The following LILRA1 variants were observed in gnomAD, a reference collection of about 807,000 sequenced individuals.
LILRA1 encodes leukocyte immunoglobulin like receptor A1.
A neutral mutation model predicts 51.6 loss-of-function variants in LILRA1; 51 were observed. That is an observed-to-expected ratio of 0.99 (90% CI 0.79 to 1.25). The LOEUF is 1.25. Ranked by LOEUF, LILRA1 falls within the 50% of genes most tolerant of loss-of-function variation. The pLI is 0.00. For missense variants in LILRA1, 660 were observed against 611.7 expected, an observed-to-expected ratio of 1.08 and a Z score of -0.83; for synonymous variants, 305 against 248.4, an observed-to-expected ratio of 1.23 and a Z score of -2.14.
In LILRA1 at chr19:54,596,317, G is replaced by C; in HGVS notation, c.1087G>C (p.Ala363Pro). 1.2e-6 allele frequency: 2 copies of C among 1,614,144 alleles called. No homozygotes were observed. The highest frequency in any genetic ancestry group is 1.7e-6 in the Non-Finnish European group (2 of 1,180,016). ...TTTCCTTCTGACCAAGGCGGGAGCA[G>C]CTGATGCCCCCCTCCGTCTCAGATC... ...HTFLLTKAGA[A>P]DAPLRLRSIH... The change falls in exon 7 of 10, where the codon GCT becomes CCT. Residue 363 changes from alanine (A) to proline (P), a missense_variant. Coordinates refer to ENST00000251372, the MANE Select transcript of LILRA1 (RefSeq NM_006863.4).
intron 7 of LILRA1, among the ~76,000 whole-genome samples, chr19:54,596,815 T>G (rs1305623077): frequency 6.6e-6 from 1 of 151,456 alleles, no homozygotes; most frequent in Non-Finnish European, 1.5e-5. Flanking sequence ...TGCCGTGAGC[T>G]GATGTCATGC....
chr19:54,597,292 G>C (rs1300516419), intron 7 of LILRA1, among the ~76,000 whole-genome samples: 1 of 152,192 alleles, frequency 6.6e-6, no homozygotes, highest in African/African-American at 2.4e-5. Flanking sequence ...TGGCTTCCTG[G>C]TGCTCCAGGG....
At position 54,595,860 on chromosome 19, in the gene LILRA1, T is replaced by C; in HGVS notation, c.883T>C (p.Tyr295His). 2 of 1,614,120 alleles carry C rather than the reference T, an allele frequency of 1.2e-6. No individual in the cohort carries two copies. The highest frequency in any genetic ancestry group is 2.2e-5 in the South Asian group (2 of 91,084). ...TGTGAGCCGCTCCTACGGGGGCCAGTACAGATGCTCCGGTGCATACAACCT... is the reference window on the plus strand; with the variant it reads ...TGTGAGCCGCTCCTACGGGGGCCAGCACAGATGCTCCGGTGCATACAACCT... ...GPVSRSYGGQ[Y>H]RCSGAYNLSS... The change falls in exon 6 of 10, where the codon TAC becomes CAC. Residue 295 changes from tyrosine (Y) to histidine (H), a missense_variant. By Grantham distance (83) the Tyr-to-His change is moderately conservative (BLOSUM62 2). Transcript: ENST00000251372.
In LILRA1 at chr19:54,596,262, G is replaced by A; in HGVS notation, c.1032G>A (p.Leu344=). The change falls in exon 7 of 10, where the codon CTG becomes CTA. Residue 344 remains leucine (L), a synonymous_variant. Transcript: ENST00000251372. ...PTVASGENVT[L]LCQSWGPFHT... The stretch of plus-strand genomic sequence containing the variant: ...TGGCCTCAGGAGAGAACGTGACCCT[G>A]CTGTGTCAGTCATGGGGGCCGTTCC... 2 of 1,614,122 alleles carry A rather than the reference G, an allele frequency of 1.2e-6. No individual in the cohort carries two copies. Among genetic ancestry groups the A allele is most frequent in the African/African-American group, 1.3e-5 (1 of 75,012 alleles).
At chr19:54,598,892 T>C (rs1022026663) in intron 7 of LILRA1, among the ~76,000 whole-genome samples, 2 of 152,142 alleles carry the variant, frequency 1.3e-5, no homozygotes, top group African/African-American at 4.8e-5. Context: ...GTCTTCCAGT[T>C]TCAAGCAATT....
At chr19:54,600,133 C>T (rs544048929) in intron 8 of LILRA1, among the ~76,000 whole-genome samples, 20 of 152,274 alleles carry the variant, frequency 1.3e-4, no homozygotes, top group African/African-American at 4.8e-4. Flanking sequence ...AGACCAACCT[C>T]CCATGCATGG....
Position 54,596,492 on chromosome 19 carries a change from G to C in LILRA1, c.1261+1G>C. 6.2e-7 allele frequency: 1 copy of C among 1,614,124 alleles called. No homozygotes were observed. The highest frequency in any genetic ancestry group is 8.5e-7 in the Non-Finnish European group (1 of 1,180,028). Reference sequence around the variant, plus strand: ...GACTCCCTGGAGCTCATGGTCTCAGGTGAGGGCCCTGACCCTGTCCTCTCC... The same window carrying C: ...GACTCCCTGGAGCTCATGGTCTCAGCTGAGGGCCCTGACCCTGTCCTCTCC... On this transcript the variant is annotated splice_donor_variant, in intron 7 of 9. Transcript: ENST00000251372. LOFTEE classifies it high-confidence loss of function.
chr19:54,598,587 G>GA lies in LILRA1; in HGVS notation c.1262-643dup, dbSNP rs934129004. On this transcript the variant is annotated intron_variant, in intron 7 of 9. Transcript: ENST00000251372. ...ACATCTAAATAAACGTCTTTTATAT[G>GA]AAAAAAGTGCTTTAAATTGTTAATT... 4.6e-5 allele frequency among the ~76,000 whole-genome samples: 7 copies of GA among 152,026 alleles called. No individual in the cohort carries two copies. In the East Asian group the frequency reaches 1.3e-3, roughly 29 times the overall value.
intron 7 of LILRA1, among the ~76,000 whole-genome samples, chr19:54,597,229 T>C (rs578165887): frequency 6.6e-6 from 1 of 152,026 alleles, no homozygotes; most frequent in Admixed American, 6.5e-5. Flanking sequence ...ATATTCAGGG[T>C]CTGATTTCCA....
In LILRA1 at chr19:54,596,561, T is replaced by C. The variant is rs138735477; in HGVS notation, c.1261+70T>C. 1,208 of 1,588,868 alleles carry C rather than the reference T, an allele frequency of 7.6e-4. 6 individuals are homozygous for C. In the Middle Eastern group the frequency reaches 0.017, roughly 23 times the overall value. On this transcript the variant is annotated intron_variant, in intron 7 of 9. Coordinates refer to ENST00000251372, the MANE Select transcript of LILRA1 (RefSeq NM_006863.4). ...CAGGCCCTGCCCCCCAGGAGAGCTC[T>C]GGACACTAAGAAAAGAGGGGAGTTG...
rs745321946 is a variant in LILRA1, at chr19:54,595,969, G to C, written c.958+34G>C. On this transcript the variant is annotated intron_variant, in intron 6 of 9. Coordinates refer to ENST00000251372, the MANE Select transcript of LILRA1 (RefSeq NM_006863.4). ...CCCAGCGGGTTCAGTCAGGGACACA[G>C]GCTCCGCACAGGCCCTGCCAGGGGA... 5 of 1,609,018 alleles carry C rather than the reference G, an allele frequency of 3.1e-6. No individual in the cohort carries two copies. In the Admixed American group the frequency reaches 6.7e-5, roughly 22 times the overall value.
rs1440640794 is a variant in LILRA1 at position 54,600,686 on chromosome 19, C to T, written c.1352-13C>T. On this transcript the variant is annotated splice_polypyrimidine_tract_variant and intron_variant, in intron 9 of 9. Transcript: ENST00000251372. ...GCCCTGACCTCTGTGACCTCTTTGC[C>T]CACCATCCCCAGCCTCACACCCCCA... 2 of 1,613,868 alleles carry T rather than the reference C, an allele frequency of 1.2e-6. No individual in the cohort carries two copies. The highest frequency in any genetic ancestry group is 8.5e-7 in the Non-Finnish European group (1 of 1,179,866).
At position 54,594,229 on chromosome 19, in the gene LILRA1, A is replaced by G; in HGVS notation, c.-16A>G. 6.2e-7 allele frequency: 1 copy of G among 1,612,900 alleles called. No individual in the cohort carries two copies. Among genetic ancestry groups the G allele is most frequent in the Admixed American group, 1.7e-5 (1 of 59,830 alleles). Reference sequence around the variant, plus strand: ...GGCTCATCCATCCGCAGAGCAGGGCAGTGGGAGGAGACGCTATGACCCCCA... The same window carrying G: ...GGCTCATCCATCCGCAGAGCAGGGCGGTGGGAGGAGACGCTATGACCCCCA... On this transcript the variant is annotated 5_prime_UTR_variant, in exon 2 of 10. Coordinates refer to ENST00000251372, the MANE Select transcript of LILRA1 (RefSeq NM_006863.4).
chr19:54,600,900 G>A lies in LILRA1; in HGVS notation c.*83G>A, dbSNP rs2146090755. 1 of 1,473,830 alleles carries A rather than the reference G, an allele frequency of 6.8e-7. No individual in the cohort carries two copies. Among genetic ancestry groups the A allele is most frequent in the Non-Finnish European group, 9.5e-7 (1 of 1,052,834 alleles). The allele number at this position is 1,473,830 out of a possible 1,614,324, so 91.3% of individuals were successfully genotyped here. On this transcript the variant is annotated 3_prime_UTR_variant, in exon 10 of 10. Coordinates refer to ENST00000251372, the MANE Select transcript of LILRA1 (RefSeq NM_006863.4). ...CTTGGGAACAGATCTGATGATGCCAGGAGGTTCCGGGAGACAATTTAGGGC... is the reference window on the plus strand; with the variant it reads ...CTTGGGAACAGATCTGATGATGCCAAGAGGTTCCGGGAGACAATTTAGGGC...
chr19:54,595,277 G>A lies in LILRA1; in HGVS notation c.536G>A (p.Arg179Gln), dbSNP rs922288206. Residue 179 changes from arginine to glutamine, a missense_variant, in exon 5 of 10, where the codon CGG (arginine) becomes CAG (glutamine). Transcript: ENST00000251372. ...CAGCCCCGTACCCATGGGTGGTCCC[G>A]GGCCATCTTCTCTGTGGGCCCCGTG... is the stretch of plus-strand genomic sequence containing the variant. ...NSQPRTHGWS[R>Q]AIFSVGPVSP... The A allele has an allele frequency of 3.7e-6, 6 of 1,613,944 alleles. No homozygotes were observed. In the East Asian group the frequency reaches 6.7e-5, roughly 18 times the overall value.
chr19:54,595,623 G>A lies in LILRA1; in HGVS notation c.662-16G>A. On this transcript the variant is annotated splice_polypyrimidine_tract_variant and intron_variant, in intron 5 of 9. Coordinates refer to ENST00000251372, the MANE Select transcript of LILRA1 (RefSeq NM_006863.4). ...CTGAGGGTCGGCTCCTGGAAACCAT[G>A]AGCACCTTTTCCCAGGTGTTTCTAA... The A allele has an allele frequency of 1.3e-6, 2 of 1,597,342 alleles. No individual in the cohort carries two copies. The highest frequency in any genetic ancestry group is 1.1e-5 in the South Asian group (1 of 89,436).
chr19:54,594,361 A>G, intron 2 of LILRA1, 80 bp from the exon 3 acceptor site: 1 of 1,614,062 alleles, frequency 6.2e-7, no homozygotes, highest in South Asian at 1.1e-5. Flanking sequence ...AGGAGACCCC[A>G]GGGGCTCACA....
chr19:54,599,413 C>A (rs1206434064), intron 8 of LILRA1, 127 bp downstream of exon 8: 6 of 1,367,424 alleles, frequency 4.4e-6, no homozygotes, highest in Non-Finnish European at 4.9e-6. Context: ...AATTCTTCAA[C>A]ACCTTTAATG....
rs781278891 is a variant in LILRA1 at position 54,595,290 on chromosome 19, T to G, written c.549T>G (p.Ser183=). Residue 183 remains serine, a synonymous_variant, in exon 5 of 10, where the codon TCT becomes TCG. Coordinates refer to ENST00000251372, the MANE Select transcript of LILRA1 (RefSeq NM_006863.4). ...RTHGWSRAIF[S]VGPVSPSRRW... ...ATGGGTGGTCCCGGGCCATCTTCTC[T>G]GTGGGCCCCGTGAGCCCGAGTCGCA... The G allele has an allele frequency of 6.2e-7, 1 of 1,606,116 alleles. No individual in the cohort carries two copies. The highest frequency in any genetic ancestry group is 1.1e-5 in the South Asian group (1 of 89,998).
Sources: allele counts gnomAD v4.1 joint callset (sites outside exome capture counted in the v4.1 genomes callset), GRCh38; gene constraint gnomAD v4.1.1; transcripts MANE v1.5; gene names NCBI Gene and HGNC (gene_info 2026-07-23, HGNC 2026-07-21).